The following MAPK10 variants were observed in gnomAD, a reference collection of about 807,000 sequenced individuals.
The protein encoded by MAPK10 is JNK3 alpha protein kinase.
A neutral mutation model predicts 59.3 loss-of-function variants in MAPK10; 25 were observed. The ratio of observed to expected loss-of-function variants is 0.42; its 90% confidence interval spans 0.31 to 0.59. The LOEUF is 0.59. MAPK10 is among the 20% of genes least tolerant of loss of function. The pLI, the probability that MAPK10 is intolerant of heterozygous loss-of-function variation, is 0.15. For missense variants in MAPK10, 351 were observed against 568.9 expected (o/e 0.62, Z 3.90); for synonymous variants, 190 against 200.5 (o/e 0.95, Z 0.44).
chr4:86,422,250 A>C (rs978436922), intron 1 of MAPK10, among the ~76,000 whole-genome samples: 2 of 152,220 alleles, frequency 1.3e-5, no homozygotes, highest in Non-Finnish European at 2.9e-5. Flanking sequence ...AGTAATCTAC[A>C]ATATACAGGC....
At chr4:86,448,182 A>G (rs1331372816) in intron 1 of MAPK10, among the ~76,000 whole-genome samples, 3 of 152,204 alleles carry the variant, frequency 2.0e-5, no homozygotes, top group Admixed American at 6.5e-5. Flanking sequence ...AACCTGTATT[A>G]GAGTCTATTT....
intron 2 of MAPK10, among the ~76,000 whole-genome samples, chr4:86,331,533 CAT>C (rs200499915): frequency 0.01 from 1,537 of 152,238 alleles, 6 homozygotes; most frequent in Non-Finnish European, 0.015. Context: ...GGAAAAACCA[CAT>C]GTTTCTCTCT....
chr4:86,029,873 C>T (rs2038568134), intron 12 of MAPK10, among the ~76,000 whole-genome samples: 1 of 151,840 alleles, frequency 6.6e-6, no homozygotes, highest in Non-Finnish European at 1.5e-5. Context: ...AAAAACCAAA[C>T]ACATTAAAAA....
At chr4:86,243,182 GT>G (rs377335957) in intron 2 of MAPK10, among the ~76,000 whole-genome samples, 14 of 151,544 alleles carry the variant, frequency 9.2e-5, no homozygotes, top group Admixed American at 1.3e-4. Context: ...CGTTTATTAT[GT>G]TTTTTTTTCC....
chr4:86,360,677 T>A (rs2148983923), upstream of MAPK10, among the ~76,000 whole-genome samples: 1 of 152,326 alleles, frequency 6.6e-6, no homozygotes, highest in Non-Finnish European at 1.5e-5. Context: ...CTTTTTTTTT[T>A]AATTGCAGAT....
At chr4:86,539,363 C>A (rs113539921) in intron 1 of MAPK10, among the ~76,000 whole-genome samples, 74 of 152,294 alleles carry the variant, frequency 4.9e-4, no homozygotes, top group African/African-American at 1.6e-3. Flanking sequence ...AAGACATCGT[C>A]CTACACTTTG....
intron 1 of MAPK10, among the ~76,000 whole-genome samples, chr4:86,566,977 G>A (rs1347430898): frequency 1.3e-5 from 2 of 152,030 alleles, no homozygotes; most frequent in Non-Finnish European, 2.9e-5. Flanking sequence ...CAGCTGAGGT[G>A]GGAGGATCAC....
chr4:86,381,019 CTA>C (rs1236742511), intron 1 of MAPK10, among the ~76,000 whole-genome samples: 1 of 152,170 alleles, frequency 6.6e-6, no homozygotes. Context: ...GTTCTAGACT[CTA>C]GAGTCAGGAG....
chr4:86,148,025 A>G (rs2065427582), intron 4 of MAPK10, among the ~76,000 whole-genome samples: 2 of 152,230 alleles, frequency 1.3e-5, no homozygotes, highest in Admixed American at 6.5e-5. Flanking sequence ...TTAATAGTTA[A>G]CATTATGCAA....
At chr4:86,486,511 T>G (rs1211590523) in intron 1 of MAPK10, among the ~76,000 whole-genome samples, 1 of 152,214 alleles carries the variant, frequency 6.6e-6, no homozygotes, top group Admixed American at 6.5e-5. Flanking sequence ...GATATGGGTA[T>G]AGCAATTGTG....
At chr4:86,404,192 A>G (rs60079003) in intron 1 of MAPK10, among the ~76,000 whole-genome samples, 26,994 of 152,014 alleles carry the variant, frequency 0.18, 2,533 homozygotes, top group South Asian at 0.28. Context: ...AGCCTAAACA[A>G]TATTCTTTTT....
intron 3 of MAPK10, among the ~76,000 whole-genome samples, chr4:86,181,291 T>C (rs934314932): frequency 2.6e-5 from 4 of 152,090 alleles, no homozygotes; most frequent in Non-Finnish European, 2.9e-5. Context: ...TTTTGTGTCA[T>C]AAGAAAAAGG....
chr4:86,583,825 G>C (rs1762475178), intron 1 of MAPK10, among the ~76,000 whole-genome samples: 1 of 152,120 alleles, frequency 6.6e-6, no homozygotes, highest in African/African-American at 2.4e-5. Context: ...AGGTAACAGT[G>C]CTTTAAATAA....
intron 1 of MAPK10, among the ~76,000 whole-genome samples, chr4:86,378,927 A>T (rs887706620): frequency 6.6e-6 from 1 of 152,232 alleles, no homozygotes; most frequent in Non-Finnish European, 1.5e-5. Context: ...GAAAGGCTTC[A>T]TGGAAGAATT....
At chr4:86,019,233 G>A (rs1745047544) in intron 13 of MAPK10, among the ~76,000 whole-genome samples, 1 of 152,018 alleles carries the variant, frequency 6.6e-6, no homozygotes, top group African/African-American at 2.4e-5. Flanking sequence ...AGTTTCCCTG[G>A]TCGTGATCTT....
intron 1 of MAPK10, among the ~76,000 whole-genome samples, chr4:86,575,571 G>C (rs1761821609): frequency 6.6e-6 from 1 of 151,704 alleles, no homozygotes; most frequent in African/African-American, 2.4e-5. Flanking sequence ...AATTTGCTGA[G>C]TTTTATTTTT....
intron 3 of MAPK10, among the ~76,000 whole-genome samples, chr4:86,166,238 A>G (rs1334075237): frequency 6.6e-6 from 1 of 152,244 alleles, no homozygotes; most frequent in Admixed American, 6.5e-5. Flanking sequence ...AAGGGTAAAA[A>G]TGCAGCTTCT....
intron 2 of MAPK10, among the ~76,000 whole-genome samples, chr4:86,339,872 A>G (rs1026003433): frequency 1.3e-5 from 2 of 152,236 alleles, no homozygotes; most frequent in Non-Finnish European, 2.9e-5. Context: ...ATATTCAATG[A>G]GCAATTATGC....
In MAPK10 at chr4:86,506,291, G is replaced by A. The variant is rs1460852041; in HGVS notation, c.-263+87619C>T. On this transcript the variant is annotated intron_variant, in intron 1 of 4. Transcript: ENST00000502302. ...GAATTTTCATGAGAAAATGAGTGAG[G>A]GATATGCTAGAAAGGCAGTTGTTTC... Among the ~76,000 whole-genome samples, 4 of 152,066 alleles carry A rather than the reference G, an allele frequency of 2.6e-5. 1 individual carries two copies. The highest frequency in any genetic ancestry group is 9.7e-5 in the African/African-American group (4 of 41,406).
Sources: allele counts gnomAD v4.1 joint callset (sites outside exome capture counted in the v4.1 genomes callset), GRCh38; gene constraint gnomAD v4.1.1; transcripts MANE v1.5; gene names NCBI Gene and HGNC (gene_info 2026-07-23, HGNC 2026-07-21).